Variants in MGAT4C observed in about 807,000 individuals in gnomAD.
The protein encoded by MGAT4C is MGAT4 family member C.
Under a neutral mutation model 40.1 loss-of-function variants are expected in MGAT4C, and 19 were observed. The ratio of observed to expected loss-of-function variants is 0.47; its 90% CI spans 0.33 to 0.70. The LOEUF (loss-of-function observed/expected upper bound fraction) is 0.70. MGAT4C is among the 30% of genes least tolerant of loss of function. The pLI is 0.02. For synonymous variants in MGAT4C, 181 were observed against 187.1 expected (o/e 0.97, Z 0.27); for missense variants, 491 against 563.2 (o/e 0.87, Z 1.30).
At chr12:86,827,946 T>G (rs1593244667) in intron 1 of MGAT4C, among the ~76,000 whole-genome samples, 1 of 151,414 alleles carries the variant, frequency 6.6e-6, no homozygotes, top group Admixed American at 6.6e-5. Flanking sequence ...CAATAAGTAG[T>G]CTAACTTATA....
At chr12:86,752,865 C>T (rs533714147) in intron 1 of MGAT4C, among the ~76,000 whole-genome samples, 5 of 152,020 alleles carry the variant, frequency 3.3e-5, no homozygotes, top group Admixed American at 6.6e-5. Flanking sequence ...AAAAGTAAAA[C>T]TTCATTTCAT....
intron 2 of MGAT4C, among the ~76,000 whole-genome samples, chr12:86,567,528 G>A (rs1159801164): frequency 6.6e-6 from 1 of 152,100 alleles, no homozygotes; most frequent in Non-Finnish European, 1.5e-5. Context: ...ATCCCTTAGG[G>A]CATCTCTTAG....
rs1884278523 is a variant in MGAT4C at position 85,979,463 on chromosome 12, T to G, written c.1263A>C (p.Lys421Asn). Residue 421 changes from lysine to asparagine, a missense_variant, in exon 5 of 5, where the codon AAA (lysine) becomes AAC (asparagine). Lys to Asn is a moderately conservative substitution (Grantham distance 94). Coordinates refer to ENST00000611864, the MANE Select transcript of MGAT4C (RefSeq NM_001351288.2). Reference sequence around the variant, plus strand: ...AGTAAGTAGAACATTGTCTCCTTTGTTTGCTAGGCATAACGTTTTCCCCAA... The same window carrying G: ...AGTAAGTAGAACATTGTCTCCTTTGGTTGCTAGGCATAACGTTTTCCCCAA... ...LDVGENVMPS[K>N]QRRQCSTYLR... 11 of 1,613,446 alleles carry G rather than the reference T, an allele frequency of 6.8e-6. No individual in the cohort carries two copies. The highest frequency in any genetic ancestry group is 1.3e-5 in the African/African-American group (1 of 74,902).
intron 2 of MGAT4C, among the ~76,000 whole-genome samples, chr12:86,595,927 C>A (rs531075777): frequency 3.0e-4 from 46 of 151,296 alleles, no homozygotes; most frequent in Non-Finnish European, 5.5e-4. Context: ...CTAACAGTTA[C>A]ATATACTGGG....
intron 2 of MGAT4C, among the ~76,000 whole-genome samples, chr12:86,711,557 C>T (rs1028065532): frequency 6.6e-6 from 1 of 151,924 alleles, no homozygotes; most frequent in African/African-American, 2.4e-5. Flanking sequence ...GTTTTTGGTT[C>T]TTATATTGTT....
chr12:86,336,561 A>G (rs567322086), intron 3 of MGAT4C, among the ~76,000 whole-genome samples: 77 of 152,218 alleles, frequency 5.1e-4, no homozygotes, highest in Non-Finnish European at 7.6e-4. Flanking sequence ...CTGGGAAAAC[A>G]GAAGGGAGGT....
intron 2 of MGAT4C, among the ~76,000 whole-genome samples, chr12:86,441,343 T>TTTATTA (rs1000725514): frequency 2.7e-5 from 4 of 150,026 alleles, no homozygotes; most frequent in Admixed American, 6.7e-5. Flanking sequence ...TATTATTATT[T>TTTATTA]TTATTATTAT....
intron 4 of MGAT4C, among the ~76,000 whole-genome samples, chr12:86,294,131 A>T (rs1206888753): frequency 1.3e-4 from 2 of 15,928 alleles, no homozygotes; most frequent in Non-Finnish European, 3.4e-4. Flanking sequence ...AAACAATATT[A>T]AAAAAAAAAC....
At chr12:86,791,495 G>C (rs1278513456) in intron 1 of MGAT4C, among the ~76,000 whole-genome samples, 1 of 150,928 alleles carries the variant, frequency 6.6e-6, no homozygotes, top group Non-Finnish European at 1.5e-5. Context: ...GCAGGTTGTG[G>C]GACTTAAGAG....
At chr12:86,257,134 C>G (rs1952542934), upstream of MGAT4C, among the ~76,000 whole-genome samples, 2 of 152,134 alleles carry the variant, frequency 1.3e-5, no homozygotes, top group Admixed American at 1.3e-4. Context: ...TAATTGAAAG[C>G]TACTCTATGA....
rs34098097 is a variant in MGAT4C, at chr12:86,184,738, TAAAAAAAAAAAAAA to T, written c.-57+71487_-57+71500del. Among the ~76,000 whole-genome samples the T allele has an allele frequency of 1.0e-4, 9 of 86,890 alleles. No homozygotes were observed. In the East Asian group the frequency reaches 2.6e-3, roughly 25 times the overall value. The allele number at this position is 86,890 out of a possible 152,430, so 57.0% of individuals were successfully genotyped here. A position where few individuals can be genotyped will look rare whatever the true frequency, so the allele number is the denominator to read the frequency against. Reference sequence around the variant, plus strand: ...CCTGCCTTATTTCTTTTTCTCCTGTTAAAAAAAAAAAAAAAAAAAAAAAAAACTATGGGAGGACA... The same window carrying T: ...CCTGCCTTATTTCTTTTTCTCCTGTTAAAAAAAAAAAACTATGGGAGGACA... On this transcript the variant is annotated intron_variant, in intron 1 of 4. Transcript: ENST00000611864.
intron 2 of MGAT4C, among the ~76,000 whole-genome samples, chr12:86,682,653 G>A (rs1161769689): frequency 6.6e-6 from 1 of 152,028 alleles, no homozygotes; most frequent in East Asian, 1.9e-4. Context: ...GCAATACTAT[G>A]CATTTATTTC....
At chr12:86,698,674 G>A (rs2136610156) in intron 2 of MGAT4C, among the ~76,000 whole-genome samples, 1 of 151,434 alleles carries the variant, frequency 6.6e-6, no homozygotes, top group Non-Finnish European at 1.5e-5. Flanking sequence ...GTACAGCTGA[G>A]CTGTGGGGGG....
intron 2 of MGAT4C, among the ~76,000 whole-genome samples, chr12:86,466,935 A>G (rs1205760450): frequency 6.6e-6 from 1 of 152,210 alleles, no homozygotes; most frequent in Admixed American, 6.5e-5. Flanking sequence ...AATTTTTACT[A>G]ATCTGCTGGT....
At chr12:86,585,921 ACAAGG>A (rs1961010636) in intron 2 of MGAT4C, among the ~76,000 whole-genome samples, 1 of 150,622 alleles carries the variant, frequency 6.6e-6, no homozygotes, top group African/African-American at 2.4e-5. Flanking sequence ...TCACAACACT[ACAAGG>A]TAGGCACTTT....
chr12:86,698,642 A>G (rs1175403228), intron 2 of MGAT4C, among the ~76,000 whole-genome samples: 2 of 152,060 alleles, frequency 1.3e-5, no homozygotes, highest in African/African-American at 2.4e-5. Context: ...TTGCTGGAAT[A>G]TGAAACTCAT....
intron 2 of MGAT4C, among the ~76,000 whole-genome samples, chr12:86,592,007 TTAAA>T (rs1961350438): frequency 6.6e-6 from 1 of 152,118 alleles, no homozygotes; most frequent in African/African-American, 2.4e-5. Flanking sequence ...AAGTCTTTCA[TTAAA>T]TAAGTGTACA....
upstream of MGAT4C, among the ~76,000 whole-genome samples, chr12:86,257,331 C>T (rs1290680242): frequency 6.6e-6 from 1 of 152,170 alleles, no homozygotes; most frequent in Non-Finnish European, 1.5e-5. Context: ...TATACCCAAG[C>T]TTTCCCTACT....
intron 1 of MGAT4C, among the ~76,000 whole-genome samples, chr12:86,240,917 G>C (rs1330751903): frequency 2.6e-5 from 4 of 151,980 alleles, no homozygotes; most frequent in Non-Finnish European, 1.5e-5. Context: ...TATTTCTTTT[G>C]AGCTTTTTTT....
Sources: allele counts gnomAD v4.1 joint callset (sites outside exome capture counted in the v4.1 genomes callset), GRCh38; gene constraint gnomAD v4.1.1; transcripts MANE v1.5; gene names NCBI Gene and HGNC (gene_info 2026-07-23, HGNC 2026-07-21).